Variants in CEP152 observed in about 807,000 individuals in gnomAD.
CEP152 encodes the protein centrosomal protein of 152 kDa.
A neutral mutation model predicts 188.9 loss-of-function variants in CEP152; 132 were observed. The ratio of observed to expected loss-of-function variants is 0.70; its 90% CI spans 0.61 to 0.81. CEP152 has a LOEUF of 0.81. Among genes scored for constraint, CEP152 ranks in the 30% least tolerant of loss-of-function variants. CEP152 has a pLI of 0.00. For synonymous variants in CEP152, 649 were observed against 666.6 expected, an observed-to-expected ratio of 0.97 and a Z score of 0.41; for missense variants, 1,914 against 1,969.8, an observed-to-expected ratio of 0.97 and a Z score of 0.54.
Position 48,772,698 on chromosome 15 carries a change from G to T in CEP152, c.1578-7C>A. 3 of 1,609,296 alleles carry T rather than the reference G, an allele frequency of 1.9e-6. No individual in the cohort carries two copies. Among genetic ancestry groups the T allele is most frequent in the Non-Finnish European group, 2.6e-6 (3 of 1,175,870 alleles). On this transcript the variant is annotated splice_polypyrimidine_tract_variant and splice_region_variant and intron_variant, in intron 12 of 26. Coordinates refer to ENST00000380950, the MANE Select transcript of CEP152 (RefSeq NM_001194998.2). ...GTCTTCTTCTTGTACAATGCTAATG[G>T]AGAAATTGTGATTTTTAACATTAAA...
At chr15:48,743,782 G>C (rs1893200113) in intron 24 of CEP152, among the ~76,000 whole-genome samples, 3 of 152,204 alleles carry the variant, frequency 2.0e-5, no homozygotes, top group Middle Eastern at 6.8e-3. Context: ...AGAATTGCTT[G>C]AATCCAGGAG....
At position 48,756,199 on chromosome 15, in the gene CEP152, G is replaced by A; in HGVS notation, c.3049C>T (p.Gln1017Ter). Reference protein sequence around the residue: ...ELLLQKETELQTCLDQSRREW... With the variant: ...ELLLQKETEL ...CTACGACTCTGGTCTAGACAAGTTT[G>A]TAATTCTGTCTCCTTCTGAAGAAGT... The change falls in exon 20 of 27, where the codon CAA becomes TAA. Residue 1017 changes from glutamine (Q) to a stop codon, truncating the protein, a stop_gained. Coordinates refer to ENST00000380950, the MANE Select transcript of CEP152 (RefSeq NM_001194998.2). LOFTEE classifies it high-confidence loss of function. 2 of 1,613,816 alleles carry A rather than the reference G, an allele frequency of 1.2e-6. No individual in the cohort carries two copies. Among genetic ancestry groups the A allele is most frequent in the Non-Finnish European group, 1.7e-6 (2 of 1,179,896 alleles).
At chr15:48,753,308 G>A (rs1368997380) in intron 20 of CEP152, among the ~76,000 whole-genome samples, 3 of 152,180 alleles carry the variant, frequency 2.0e-5, no homozygotes, top group African/African-American at 4.8e-5. Flanking sequence ...TTACAGGTGT[G>A]AGCCACCACG....
At position 48,782,234 on chromosome 15, in the gene CEP152, C is replaced by T. The variant is rs1595668510; in HGVS notation, c.1322-4G>A. ...TGAGCCACCTCTTGTACTGACCCTG[C>T]AGAGGAAAGAACCATAGGATATACT... On this transcript the variant is annotated splice_polypyrimidine_tract_variant and splice_region_variant and intron_variant, in intron 10 of 26. Coordinates refer to ENST00000380950, the MANE Select transcript of CEP152 (RefSeq NM_001194998.2). The T allele has an allele frequency of 6.2e-7, 1 of 1,613,218 alleles. No homozygotes were observed. Among genetic ancestry groups the T allele is most frequent in the Non-Finnish European group, 8.5e-7 (1 of 1,179,448 alleles).
At chr15:48,808,785 G>T (rs913267168) in intron 1 of CEP152, among the ~76,000 whole-genome samples, 2 of 152,174 alleles carry the variant, frequency 1.3e-5, no homozygotes, top group East Asian at 3.9e-4. Context: ...ATTTACACTA[G>T]TAAAATTATT....
chr15:48,763,754 T>C (rs913764823), intron 17 of CEP152, among the ~76,000 whole-genome samples: 1 of 152,226 alleles, frequency 6.6e-6, no homozygotes. Flanking sequence ...TTTAGGATCA[T>C]ACTTTGTTCC....
chr15:48,749,490 TA>T (rs1893719887), intron 21 of CEP152, among the ~76,000 whole-genome samples: 1 of 151,916 alleles, frequency 6.6e-6, no homozygotes, highest in South Asian at 2.1e-4. Flanking sequence ...AAACAGTAAT[TA>T]TATAGTGAAG....
In CEP152 at chr15:48,797,955, C is replaced by A. The variant is rs1348437087; in HGVS notation, c.184G>T (p.Asp62Tyr). The change falls in exon 3 of 27, where the codon GAC becomes TAC. Residue 62 changes from aspartate to tyrosine, a missense_variant. Asp to Tyr is a radical substitution (Grantham distance 160). Transcript: ENST00000380950. ...QYSDCSEDGT[D>Y]GQPHHPEQLE... Reference sequence around the variant, plus strand: ...GTGACTTCAGGTGCTTACTGTCCGTCTGTGCCATCCTCGCTGCAGTCCGAA... The same window carrying A: ...GTGACTTCAGGTGCTTACTGTCCGTATGTGCCATCCTCGCTGCAGTCCGAA... 6.2e-7 allele frequency: 1 copy of A among 1,613,614 alleles called. No homozygotes were observed. Among genetic ancestry groups the A allele is most frequent in the Non-Finnish European group, 8.5e-7 (1 of 1,179,760 alleles).
chr15:48,789,801 C>A (rs942202176), intron 8 of CEP152, among the ~76,000 whole-genome samples: 6 of 152,176 alleles, frequency 3.9e-5, no homozygotes, highest in African/African-American at 1.4e-4. Context: ...AAAATGGATT[C>A]TCCCCTAAAG....
At chr15:48,787,429 C>T (rs1896735722) in intron 9 of CEP152, among the ~76,000 whole-genome samples, 1 of 151,940 alleles carries the variant, frequency 6.6e-6, no homozygotes, top group Admixed American at 6.6e-5. Context: ...CCTCAACCTC[C>T]CGAAGTGCTG....
intron 24 of CEP152, among the ~76,000 whole-genome samples, chr15:48,743,005 T>G (rs1461831820): frequency 6.6e-6 from 1 of 152,164 alleles, no homozygotes; most frequent in Non-Finnish European, 1.5e-5. Context: ...ATGCAGTACA[T>G]GTCAAAACAA....
At chr15:48,790,453 G>A (rs143046545) in intron 8 of CEP152, among the ~76,000 whole-genome samples, 12 of 152,342 alleles carry the variant, frequency 7.9e-5, no homozygotes, top group African/African-American at 2.9e-4. Context: ...GCTAAGACCT[G>A]AAGGATGAGG....
chr15:48,741,072 C>T, intron 26 of CEP152: 1 of 995,842 alleles, frequency 1.0e-6, no homozygotes, highest in Non-Finnish European at 1.2e-6. Context: ...ATCTTCCATC[C>T]TATACTGTCT....
At chr15:48,789,754 G>A (rs1161974538) in intron 8 of CEP152, among the ~76,000 whole-genome samples, 1 of 152,156 alleles carries the variant, frequency 6.6e-6, no homozygotes, top group South Asian at 2.1e-4. Flanking sequence ...CACAAGCTAA[G>A]GAACACAGGT....
chr15:48,741,753 A>T lies in CEP152; in HGVS notation c.3990-49T>A, dbSNP rs552917800. ...AAAATATAGTTTAAAGGAAAAAATG[A>T]GTTGCCTTAGCCCCATGGTTTCTGT... is the stretch of plus-strand genomic sequence containing the variant. On this transcript the variant is annotated intron_variant, in intron 25 of 26. Transcript: ENST00000380950. The T allele has an allele frequency of 1.9e-5, 31 of 1,612,646 alleles. No homozygotes were observed. The East Asian group carries it at 6.5e-4, about 34-fold the overall frequency.
chr15:48,747,195 G>A (rs1192399303), intron 22 of CEP152, among the ~76,000 whole-genome samples: 1 of 152,182 alleles, frequency 6.6e-6, no homozygotes, highest in East Asian at 1.9e-4. Flanking sequence ...GGCTAGACTA[G>A]AAGCATAAAG....
At chr15:48,791,737 G>A (rs1031022127) in intron 7 of CEP152, among the ~76,000 whole-genome samples, 3 of 151,152 alleles carry the variant, frequency 2.0e-5, no homozygotes, top group Non-Finnish European at 2.9e-5. Flanking sequence ...GGCTAGTCTC[G>A]AACTCCTAAC....
In CEP152 at chr15:48,756,535, C is replaced by T; in HGVS notation, c.2713G>A (p.Glu905Lys). 1 of 1,606,536 alleles carries T rather than the reference C, an allele frequency of 6.2e-7. No individual in the cohort carries two copies. The highest frequency in any genetic ancestry group is 1.1e-5 in the South Asian group (1 of 91,028). Residue 905 changes from glutamate (E) to lysine (K), a missense_variant, in exon 20 of 27, where the codon GAA (glutamate) becomes AAA (lysine). By Grantham distance (56) the Glu-to-Lys change is moderately conservative. Transcript: ENST00000380950. ...TCACTCTTCCATTTCTCTTTAGCTT[C>T]AGAAACAGCAAATGATATCTAAAGA... ...VNKRISFAVS[E>K]AKEKWKSELE...
intron 2 of CEP152, among the ~76,000 whole-genome samples, chr15:48,730,942 T>A (rs2140523419): frequency 6.6e-6 from 1 of 152,322 alleles, no homozygotes; most frequent in Admixed American, 6.5e-5. Context: ...TCAACAAATT[T>A]ATAGCGTATG....
Sources: allele counts gnomAD v4.1 joint callset (sites outside exome capture counted in the v4.1 genomes callset), GRCh38; gene constraint gnomAD v4.1.1; transcripts MANE v1.5; gene names NCBI Gene and HGNC (gene_info 2026-07-23, HGNC 2026-07-21).